Variants in DLX2 observed in about 807,000 individuals in gnomAD.
DLX2 encodes the protein homeobox protein DLX-2.
In DLX2, 8 loss-of-function variants were observed where a neutral mutation model predicts 27.4. That is an observed-to-expected ratio of 0.29 (90% confidence interval 0.17 to 0.53). The LOEUF (loss-of-function observed/expected upper bound fraction) is 0.53, where lower values mean the gene tolerates loss of function less well. Ranked by LOEUF, DLX2 falls within the 20% of genes least tolerant of loss-of-function variation. The pLI is 0.96. For missense variants in DLX2, 421 were observed against 450.9 expected, an observed-to-expected ratio of 0.93 and a Z score of 0.60; for synonymous variants, 210 against 200.8, an observed-to-expected ratio of 1.05 and a Z score of -0.39.
At position 172,100,701 on chromosome 2, in the gene DLX2, GA is replaced by G; in HGVS notation, c.828del (p.Leu277TrpfsTer46). The G allele has an allele frequency of 6.5e-7, 1 of 1,541,496 alleles. No individual in the cohort carries two copies. The highest frequency in any genetic ancestry group is 8.7e-7 in the Non-Finnish European group (1 of 1,154,712). The part of the protein sequence containing the change: ...GSSPSSAASA[F>X]LGNYPWYHQT... ...TGGTGGTACCAGGGGTAGTTGCCCA[GA>G]AAAGCCGAGGCCGCGCTGCTCGGGC... On this transcript the variant is annotated frameshift_variant, in exon 3 of 3. Transcript: ENST00000234198. LOFTEE classifies it high-confidence loss of function. This position sits in a 1 kb window ranked among gnomAD's most constrained non-coding sequence, Gnocchi z 4.5.
rs775343774 is a variant in DLX2, at chr2:172,100,584, C to T, written c.946G>A (p.Gly316Ser). 6.3e-7 allele frequency: 1 copy of T among 1,579,050 alleles called. No individual in the cohort carries two copies. Among genetic ancestry groups the T allele is most frequent in the Non-Finnish European group, 8.6e-7 (1 of 1,166,712 alleles). Residue 316 changes from glycine (G) to serine (S), a missense_variant, in exon 3 of 3, where the codon GGC becomes AGC. Gly to Ser is a moderately conservative substitution (Grantham distance 56). Around this residue, in one of 5 missense-constraint regions of DLX2, gnomAD observed 185 missense variants for 171.1 expected, o/e 1.08. Transcript: ENST00000234198. This position sits in a 1 kb window ranked among gnomAD's most constrained non-coding sequence, Gnocchi z 4.5. ...GCGCTCACCGGGGCGCCCCCGCCGC[C>T]GTGATGGTGGTGGTGGTGATGCGGC... is the stretch of plus-strand genomic sequence containing the variant. ...PQPHHHHHHHGGGGAPVSAGT... is the reference protein window; with the variant it reads ...PQPHHHHHHHSGGGAPVSAGT...
At position 172,100,364 on chromosome 2, in the gene DLX2, A is replaced by G; in HGVS notation, c.*179T>C. 3 of 596,714 alleles carry G rather than the reference A, an allele frequency of 5.0e-6. No individual in the cohort carries two copies. Among genetic ancestry groups the G allele is most frequent in the South Asian group, 6.4e-5 (2 of 31,432 alleles). 37.0% of individuals were successfully genotyped at this position (596,714 alleles called of 1,614,324 possible). On this transcript the variant is annotated 3_prime_UTR_variant, in exon 3 of 3. Coordinates refer to ENST00000234198, the MANE Select transcript of DLX2 (RefSeq NM_004405.4). This position sits in a 1 kb window ranked among gnomAD's most constrained non-coding sequence, Gnocchi z 4.5. ...GCCAAGCTGCTGTCCGGTTCCCCCG[A>G]GAGAGGGGCCCGTTTGGTGGCCCCG... is the stretch of plus-strand genomic sequence containing the variant.
Position 172,100,510 on chromosome 2 carries a change from C to G in DLX2, c.*33G>C, listed in dbSNP as rs1559032193. 6.6e-7 allele frequency: 1 copy of G among 1,523,836 alleles called. No homozygotes were observed. Among genetic ancestry groups the G allele is most frequent in the Non-Finnish European group, 8.7e-7 (1 of 1,143,162 alleles). 94.4% of individuals were successfully genotyped at this position (1,523,836 alleles called of 1,614,324 possible). Reference sequence around the variant, plus strand: ...GGTAAGCAATGAGGATAAGTGGTCTCTGCTCTCAGTCTCTGGCGAGTTCTC... The same window carrying G: ...GGTAAGCAATGAGGATAAGTGGTCTGTGCTCTCAGTCTCTGGCGAGTTCTC... On this transcript the variant is annotated 3_prime_UTR_variant, in exon 3 of 3. Transcript: ENST00000234198. The surrounding 1 kb of genome is among the most constrained non-coding windows in gnomAD (Gnocchi z 4.5).
In DLX2 at chr2:172,100,747, G is replaced by A. The variant is rs1419065083; in HGVS notation, c.783C>T (p.Gly261=). Residue 261 remains glycine (G), a synonymous_variant, in exon 3 of 3, where the codon GGC becomes GGT. Coordinates refer to ENST00000234198, the MANE Select transcript of DLX2 (RefSeq NM_004405.4). The surrounding 1 kb of genome is among the most constrained non-coding windows in gnomAD (Gnocchi z 4.5). ...TCGGGCTGGAGCCCGAGCTGCCGGC[G>A]CCGCTGCCGCCACTGCCCGGACCAC... The part of the protein sequence containing the change: ...GGGGPGSGGS[G]AGSSGSSPSS... 6.4e-7 allele frequency: 1 copy of A among 1,551,128 alleles called. No individual in the cohort carries two copies. The highest frequency in any genetic ancestry group is 8.7e-7 in the Non-Finnish European group (1 of 1,152,446).
chr2:172,101,593 C>G lies in DLX2; in HGVS notation c.454G>C (p.Val152Leu). The change falls in exon 2 of 3, where the codon GTC (valine) becomes CTC (leucine). Residue 152 changes from valine to leucine, a missense_variant. Around this residue, in one of 5 missense-constraint regions of DLX2, gnomAD observed 141 missense variants for 123.5 expected, o/e 1.14. Transcript: ENST00000234198. ...GAGTAGATGGTGCGGGGTTTCCGGA[C>G]TTTCTTTGGCTTCCCGTTCACTATC... Reference protein sequence around the residue: ...IRIVNGKPKKVRKPRTIYSSF... With the variant: ...IRIVNGKPKKLRKPRTIYSSF... The G allele has an allele frequency of 6.2e-7, 1 of 1,614,250 alleles. No individual in the cohort carries two copies. The highest frequency in any genetic ancestry group is 8.5e-7 in the Non-Finnish European group (1 of 1,180,034).
intron 2 of DLX2, 38 bp downstream of exon 2, chr2:172,101,424 C>A: frequency 6.4e-7 from 1 of 1,560,072 alleles, no homozygotes; most frequent in Non-Finnish European, 8.7e-7. Context: ...CCATCTCAGG[C>A]CCGCGCTCTC....
Position 172,101,665 on chromosome 2 carries a change from G to GTC in DLX2, c.401-20_401-19insGA. 2 of 1,612,236 alleles carry GTC rather than the reference G, an allele frequency of 1.2e-6. No individual in the cohort carries two copies. Among genetic ancestry groups the GTC allele is most frequent in the Non-Finnish European group, 1.7e-6 (2 of 1,179,232 alleles). On this transcript the variant is annotated intron_variant, in intron 1 of 2. Transcript: ENST00000234198. Reference sequence around the variant, plus strand: ...TCCTTCTCTGCAACGATAAAGAATCGTAAGAACAGCGCAACCCAGGGGTCC... The same window carrying GTC: ...TCCTTCTCTGCAACGATAAAGAATCGTCTAAGAACAGCGCAACCCAGGGGTCC...
At position 172,102,254 on chromosome 2, in the gene DLX2, G is replaced by T. The variant is rs759310365; in HGVS notation, c.285C>A (p.Ser95Arg). The change falls in exon 1 of 3, where the codon AGC becomes AGA. Residue 95 changes from serine to arginine, a missense_variant. Physicochemically the swap from Ser to Arg is moderately radical, Grantham distance 110. Coordinates refer to ENST00000234198, the MANE Select transcript of DLX2 (RefSeq NM_004405.4). ...AHMGSYQYQA[S>R]GLNNVPYSAK... ...CGGAGTAAGGGACGTTGTTGAGGCC[G>T]CTGGCTTGGTACTGGTAGGAACCCA... 9 of 1,614,062 alleles carry T rather than the reference G, an allele frequency of 5.6e-6. No individual in the cohort carries two copies. The highest frequency in any genetic ancestry group is 6.8e-6 in the Non-Finnish European group (8 of 1,180,026).
Position 172,102,317 on chromosome 2 carries a change from C to G in DLX2, c.222G>C (p.Ala74=), listed in dbSNP as rs755789018. ...GCGAGCCCCCGCCGCCGCCGCCGCCCGCCGGGTGCTGCTGGTTGGTGTAGT... is the reference window on the plus strand; with the variant it reads ...GCGAGCCCCCGCCGCCGCCGCCGCCGGCCGGGTGCTGCTGGTTGGTGTAGT... ...SSYYTNQQHP[A]GGGGGGGSPY... is the part of the protein sequence containing the mutation. The change falls in exon 1 of 3, where the codon GCG becomes GCC. Residue 74 remains alanine (A), a synonymous_variant. Coordinates refer to ENST00000234198, the MANE Select transcript of DLX2 (RefSeq NM_004405.4). 2.5e-6 allele frequency: 4 copies of G among 1,608,344 alleles called. No homozygotes were observed. The East Asian group carries it at 9.0e-5, about 36-fold the overall frequency.
chr2:172,100,777 G>T lies in DLX2; in HGVS notation c.753C>A (p.Gly251=), dbSNP rs761120530. The T allele has an allele frequency of 7.0e-6, 11 of 1,582,536 alleles. No homozygotes were observed. Among genetic ancestry groups the T allele is most frequent in the African/African-American group, 5.4e-5 (4 of 73,840 alleles). ...TGCCGCCACTGCCCGGACCACCGCC[G>T]CCCGCCATCCGCTGCGGCACACCAA... The part of the protein sequence containing the change: ...WDFGVPQRMA[G]GGGPGSGGSG... Residue 251 remains glycine, a synonymous_variant, in exon 3 of 3, where the codon GGC becomes GGA. Transcript: ENST00000234198. This position sits in a 1 kb window ranked among gnomAD's most constrained non-coding sequence, Gnocchi z 4.5.
Position 172,100,858 on chromosome 2 carries a change from G to A in DLX2, c.672C>T (p.Ala224=). ...GEIPSEQHPG[A]SASPPCASPP... ...GCGAAGCACAAGGTGGAGAAGCGCT[G>A]GCCCCAGGGTGCTGCTCCGAGGGGA... Residue 224 remains alanine (A), a synonymous_variant, in exon 3 of 3, where the codon GCC becomes GCT. Coordinates refer to ENST00000234198, the MANE Select transcript of DLX2 (RefSeq NM_004405.4). The surrounding 1 kb of genome is among the most constrained non-coding windows in gnomAD (Gnocchi z 4.5). 1 of 1,612,844 alleles carries A rather than the reference G, an allele frequency of 6.2e-7. No homozygotes were observed. Among genetic ancestry groups the A allele is most frequent in the Non-Finnish European group, 8.5e-7 (1 of 1,179,856 alleles).
Position 172,101,566 on chromosome 2 carries a change from T to C in DLX2, c.481A>G (p.Ser161Gly). Residue 161 changes from serine to glycine, a missense_variant, in exon 2 of 3, where the codon AGT becomes GGT. Physicochemically the swap from Ser to Gly is moderately conservative, Grantham distance 56 (BLOSUM62 0). Around this residue, in one of 5 missense-constraint regions of DLX2, gnomAD observed 36 missense variants for 73.6 expected, o/e 0.49. Transcript: ENST00000234198. ...CGCTGAAGAGCCGCCAGCTGGAAAC[T>C]GGAGTAGATGGTGCGGGGTTTCCGG... Reference protein sequence around the residue: ...KVRKPRTIYSSFQLAALQRRF... With the variant: ...KVRKPRTIYSGFQLAALQRRF... 6.2e-7 allele frequency: 1 copy of C among 1,614,230 alleles called. No homozygotes were observed. The highest frequency in any genetic ancestry group is 8.5e-7 in the Non-Finnish European group (1 of 1,180,030).
At position 172,100,767 on chromosome 2, in the gene DLX2, G is replaced by C. The variant is rs772095698; in HGVS notation, c.763C>G (p.Pro255Ala). 3.8e-6 allele frequency: 6 copies of C among 1,576,198 alleles called. No individual in the cohort carries two copies. Among genetic ancestry groups the C allele is most frequent in the Non-Finnish European group, 4.3e-6 (5 of 1,161,298 alleles). ...CCGGCGCCGCTGCCGCCACTGCCCG[G>C]ACCACCGCCGCCCGCCATCCGCTGC... is the stretch of plus-strand genomic sequence containing the variant. The part of the protein sequence containing the change: ...VPQRMAGGGG[P>A]GSGGSGAGSS... The change falls in exon 3 of 3, where the codon CCG (proline) becomes GCG (alanine). Residue 255 changes from proline (P) to alanine (A), a missense_variant. Coordinates refer to ENST00000234198, the MANE Select transcript of DLX2 (RefSeq NM_004405.4). The surrounding 1 kb of genome is among the most constrained non-coding windows in gnomAD (Gnocchi z 4.5).
Position 172,102,521 on chromosome 2 carries a change from G to GT in DLX2, c.17dup (p.Asp6GlufsTer6), listed in dbSNP as rs1448440116. 1 of 1,542,340 alleles carries GT rather than the reference G, an allele frequency of 6.5e-7. No homozygotes were observed. The highest frequency in any genetic ancestry group is 8.7e-7 in the Non-Finnish European group (1 of 1,144,250). ...TCGAGTGCATATCAGCCACTAGACT[G>GT]TCAAAGACTCCAGTCATCCTGGCCC... On this transcript the variant is annotated frameshift_variant, in exon 1 of 3. Coordinates refer to ENST00000234198, the MANE Select transcript of DLX2 (RefSeq NM_004405.4). LOFTEE classifies it high-confidence loss of function.
chr2:172,102,490 T>C lies in DLX2; in HGVS notation c.49A>G (p.Ile17Val). ...SLVADMHSTQ[I>V]AASSTYHQHQ... The stretch of plus-strand genomic sequence containing the variant: ...TGGTGGTACGTGCTGGAGGCGGCGA[T>C]CTGGGTCGAGTGCATATCAGCCACT... Residue 17 changes from isoleucine (I) to valine (V), a missense_variant, in exon 1 of 3, where the codon ATC becomes GTC. By Grantham distance (29) the Ile-to-Val change is conservative. This residue lies in a region of DLX2 where 53 missense variants were observed against 59.5 expected (regional missense o/e 0.89). Transcript: ENST00000234198. 1 of 1,548,964 alleles carries C rather than the reference T, an allele frequency of 6.5e-7. No individual in the cohort carries two copies. Among genetic ancestry groups the C allele is most frequent in the Non-Finnish European group, 8.7e-7 (1 of 1,146,504 alleles).
Position 172,100,953 on chromosome 2 carries a change from A to T in DLX2, c.586-9T>A, listed in dbSNP as rs1279436297. 6.2e-7 allele frequency: 1 copy of T among 1,609,934 alleles called. No individual in the cohort carries two copies. Among genetic ancestry groups the T allele is most frequent in the Non-Finnish European group, 8.5e-7 (1 of 1,178,916 alleles). On this transcript the variant is annotated splice_polypyrimidine_tract_variant and intron_variant, in intron 2 of 2. Transcript: ENST00000234198. This position sits in a 1 kb window ranked among gnomAD's most constrained non-coding sequence, Gnocchi z 4.5. ...TGGAACCAGATTTTGACCTTTGAGG[A>T]AAAAGACCTGAGCATTAGTGGAGGA...
At chr2:172,101,431 T>A in intron 2 of DLX2, 31 bp downstream of exon 2, 1 of 1,570,570 alleles carries the variant, frequency 6.4e-7, no homozygotes, top group Middle Eastern at 1.7e-4. Flanking sequence ...AGGCCCGCGC[T>A]CTCCTCGCCC....
chr2:172,101,419 T>G, intron 2 of DLX2, 43 bp downstream of exon 2: 2 of 1,551,780 alleles, frequency 1.3e-6, no homozygotes, highest in Non-Finnish European at 1.7e-6. Flanking sequence ...CCCAGCCATC[T>G]CAGGCCCGCG....
At position 172,102,795 on chromosome 2, in the gene DLX2, G is replaced by T; in HGVS notation, c.-257C>A. 7.3e-6 allele frequency: 3 copies of T among 409,180 alleles called. No individual in the cohort carries two copies. The highest frequency in any genetic ancestry group is 1.3e-5 in the Non-Finnish European group (3 of 233,270). The allele number at this position is 409,180 out of a possible 1,614,324, so 25.3% of individuals were successfully genotyped here. The stretch of plus-strand genomic sequence containing the variant: ...GGCTCCTTGCCCAGCGCGAGCGCGG[G>T]CTCTGGCGGGGGGCGGGCAGTGGAG... On this transcript the variant is annotated 5_prime_UTR_variant, in exon 1 of 3. Coordinates refer to ENST00000234198, the MANE Select transcript of DLX2 (RefSeq NM_004405.4).
Sources: allele counts gnomAD v4.1 joint callset, GRCh38; gene constraint gnomAD v4.1.1; regional missense constraint gnomAD v4.1.1; non-coding constraint Gnocchi (gnomAD v3.1); transcripts MANE v1.5; gene names NCBI Gene and HGNC (gene_info 2026-07-23, HGNC 2026-07-21).